The following MYLK4 variants were observed in gnomAD, a reference collection of about 807,000 sequenced individuals.
MYLK4 encodes the protein myosin light chain kinase family member 4, also known as caMLCK like.
In MYLK4, 46 loss-of-function variants were observed where a neutral mutation model predicts 48.1. The observed-to-expected ratio is 0.96, with a 90% CI of 0.75 to 1.22. The LOEUF (loss-of-function observed/expected upper bound fraction) is 1.22, where lower values mean the gene tolerates loss of function less well. Ranked by LOEUF, MYLK4 falls within the 50% of genes most tolerant of loss-of-function variation. MYLK4 has a pLI of 0.00. For missense variants in MYLK4, 451 were observed against 486.1 expected (o/e 0.93, Z 0.68); for synonymous variants, 170 against 180.8 (o/e 0.94, Z 0.48).
intron 2 of MYLK4, among the ~76,000 whole-genome samples, chr6:2,719,790 C>T (rs984050526): frequency 6.6e-6 from 1 of 152,138 alleles, no homozygotes; most frequent in African/African-American, 2.4e-5. Flanking sequence ...CAAAGTGAGG[C>T]TCAAGTGTGT....
chr6:2,664,684 C>T lies in MYLK4; in HGVS notation c.*3241G>A, dbSNP rs1173696626. 5.3e-5 allele frequency: 8 copies of T among 152,180 alleles called. 1 individual carries two copies. The East Asian group carries it at 1.5e-3, about 29-fold the overall frequency. The allele number at this position is 152,180 out of a possible 1,614,324, so 9.4% of individuals were successfully genotyped here. A position where few individuals can be genotyped will look rare whatever the true frequency, so the allele number is the denominator to read the frequency against. ...AAACATACATCAAAGCAAGCCACAACAATGGCAACATGCCTACTTACATTT... is the reference window on the plus strand; with the variant it reads ...AAACATACATCAAAGCAAGCCACAATAATGGCAACATGCCTACTTACATTT... On this transcript the variant is annotated 3_prime_UTR_variant, in exon 13 of 13. Transcript: ENST00000274643.
intron 2 of MYLK4, among the ~76,000 whole-genome samples, chr6:2,710,035 A>T (rs1762619724): frequency 6.6e-6 from 1 of 152,258 alleles, no homozygotes; most frequent in Non-Finnish European, 1.5e-5. Flanking sequence ...ATTTCTACTT[A>T]TGAGAGATGT....
chr6:2,725,626 G>GGAAA (rs1407636616), intron 2 of MYLK4, among the ~76,000 whole-genome samples: 2 of 130,340 alleles, frequency 1.5e-5, no homozygotes, highest in African/African-American at 6.3e-5. Flanking sequence ...AAACAAAGAA[G>GGAAA]GAAAGAAAGA....
At chr6:2,765,960 C>A in the MYLK4 span, 1 of 1,427,648 alleles carries the variant, frequency 7.0e-7, no homozygotes, top group South Asian at 1.4e-5. Flanking sequence ...AGCTACGACG[C>A]GCCGCCCACA....
At chr6:2,768,508 A>G in the MYLK4 span, among the ~76,000 whole-genome samples, 1 of 152,154 alleles carries the variant, frequency 6.6e-6, no homozygotes, top group Non-Finnish European at 1.5e-5. Context: ...TATTTATAAT[A>G]TTTTTGTTGT....
chr6:2,768,869 A>G, the MYLK4 span: 28 of 1,610,848 alleles, frequency 1.7e-5, no homozygotes, highest in African/African-American at 1.9e-4. Flanking sequence ...CATCGGTTCA[A>G]TAAATCTCAG....
At chr6:2,684,244 G>A (rs1406386434) in intron 6 of MYLK4, among the ~76,000 whole-genome samples, 2 of 152,198 alleles carry the variant, frequency 1.3e-5, no homozygotes. Flanking sequence ...TAACCGCAGG[G>A]AGTGGTGGAG....
chr6:2,677,345 T>C (rs1339454431), intron 10 of MYLK4, among the ~76,000 whole-genome samples: 1 of 152,064 alleles, frequency 6.6e-6, no homozygotes, highest in Non-Finnish European at 1.5e-5. Context: ...GTTTCCCCAC[T>C]CCCTGTGACA....
At chr6:2,690,624 T>C (rs7748212) in intron 3 of MYLK4, among the ~76,000 whole-genome samples, 73,823 of 151,642 alleles carry the variant, frequency 0.49, 18,694 homozygotes, top group East Asian at 0.88. Flanking sequence ...CCCCATCAAG[T>C]CTATGGGTGT....
intron 2 of MYLK4, among the ~76,000 whole-genome samples, chr6:2,737,361 T>G (rs998365900): frequency 6.6e-6 from 1 of 152,236 alleles, no homozygotes; most frequent in Non-Finnish European, 1.5e-5. Flanking sequence ...TATGCCTTGC[T>G]TAATGCTTTT....
At position 2,699,287 on chromosome 6, in the gene MYLK4, C is replaced by CTTTTTTTTT. The variant is rs56959282; in HGVS notation, c.160-6437_160-6429dup. ...CATGCTACCACTTTTCTTTTCTTTTCTTTTTTTTTTTTTTTTTTTTTTGAT... is the reference window on the plus strand; with the variant it reads ...CATGCTACCACTTTTCTTTTCTTTTCTTTTTTTTTTTTTTTTTTTTTTTTTTTTTTTGAT... On this transcript the variant is annotated intron_variant, in intron 2 of 12. Transcript: ENST00000274643. Among the ~76,000 whole-genome samples the CTTTTTTTTT allele has an allele frequency of 3.4e-3, 266 of 77,888 alleles. 7 individuals carry two copies. The highest frequency in any genetic ancestry group is 6.8e-3 in the African/African-American group (123 of 18,206). The allele number at this position is 77,888 out of a possible 152,430, so 51.1% of individuals were successfully genotyped here.
At position 2,664,858 on chromosome 6, in the gene MYLK4, T is replaced by C. The variant is rs1760584804; in HGVS notation, c.*3067A>G. ...TGAGAGTCTCGTCCAAAGTTTGTAA[T>C]GTAGCAAATGGGGACATGTGCCCTC... On this transcript the variant is annotated 3_prime_UTR_variant, in exon 13 of 13. Transcript: ENST00000274643. 6.6e-6 allele frequency: 1 copy of C among 152,232 alleles called. No individual in the cohort carries two copies. Among genetic ancestry groups the C allele is most frequent in the South Asian group, 2.1e-4 (1 of 4,820 alleles). The allele number at this position is 152,232 out of a possible 1,614,324, so 9.4% of individuals were successfully genotyped here. A position where few individuals can be genotyped will look rare whatever the true frequency, so the allele number is the denominator to read the frequency against.
At chr6:2,717,973 G>A (rs576814999) in intron 2 of MYLK4, among the ~76,000 whole-genome samples, 1 of 152,216 alleles carries the variant, frequency 6.6e-6, no homozygotes, top group Admixed American at 6.5e-5. Flanking sequence ...CTGAGGTTGG[G>A]AGTTCGAGAT....
the MYLK4 span, chr6:2,766,159 C>T: frequency 7.5e-7 from 1 of 1,331,838 alleles, no homozygotes; most frequent in Non-Finnish European, 9.5e-7. Flanking sequence ...GGGACGCGGA[C>T]GCGGACGGCG....
chr6:2,763,468 C>T, the MYLK4 span, among the ~76,000 whole-genome samples: 24 of 152,334 alleles, frequency 1.6e-4, no homozygotes, highest in East Asian at 4.4e-3. Context: ...CTGAGCCTTG[C>T]GCTGCGTGGA....
chr6:2,712,311 C>A lies in MYLK4; in HGVS notation c.160-19452G>T, dbSNP rs574764440. On this transcript the variant is annotated intron_variant, in intron 2 of 12. Coordinates refer to ENST00000274643, the MANE Select transcript of MYLK4 (RefSeq NM_001012418.5). ...CACCAGCTGTGTTCAGTAGCACTCA[C>A]GTACTCTCTCTGACATGCAGGTCCT... Among the ~76,000 whole-genome samples, 18 of 152,324 alleles carry A rather than the reference C, an allele frequency of 1.2e-4. No individual in the cohort carries two copies. The East Asian group carries it at 3.5e-3, about 29-fold the overall frequency.
At chr6:2,753,344 T>C (rs1357271673), upstream of MYLK4, among the ~76,000 whole-genome samples, 1 of 152,226 alleles carries the variant, frequency 6.6e-6, no homozygotes, top group Non-Finnish European at 1.5e-5. Flanking sequence ...GCGTTCTGAA[T>C]GTTTCCAGAA....
At chr6:2,698,495 G>T (rs1454486134) in intron 2 of MYLK4, among the ~76,000 whole-genome samples, 1 of 152,210 alleles carries the variant, frequency 6.6e-6, no homozygotes, top group African/African-American at 2.4e-5. Context: ...AGCAGAGGAC[G>T]CTGGGTCATG....
At position 2,679,698 on chromosome 6, in the gene MYLK4, A is replaced by G. The variant is rs571280031; in HGVS notation, c.759-290T>C. On this transcript the variant is annotated intron_variant, in intron 8 of 12. Coordinates refer to ENST00000274643, the MANE Select transcript of MYLK4 (RefSeq NM_001012418.5). The stretch of plus-strand genomic sequence containing the variant: ...GAATTACAGAAGATGACAAGAGGAA[A>G]ACTGATATAGTCATTGACATGGGGA... 5.3e-5 allele frequency among the ~76,000 whole-genome samples: 8 copies of G among 152,360 alleles called. No individual in the cohort carries two copies. The East Asian group carries it at 1.5e-3, about 29-fold the overall frequency.
Sources: allele counts gnomAD v4.1 joint callset (sites outside exome capture counted in the v4.1 genomes callset), GRCh38; gene constraint gnomAD v4.1.1; transcripts MANE v1.5; gene names NCBI Gene and HGNC (gene_info 2026-07-23, HGNC 2026-07-21).